EPSTI1: variants seen among roughly 807,000 people sequenced by gnomAD.
EPSTI1 encodes epithelial-stromal interaction protein 1.
EPSTI1 carries 66 observed loss-of-function variants against 49.9 expected under a neutral mutation model. That is an observed-to-expected ratio of 1.32 (90% CI 1.08 to 1.62). The LOEUF is 1.62. Among genes scored for constraint, EPSTI1 ranks in the 40% most tolerant of loss-of-function variants. The probability of loss-of-function intolerance (pLI) is 0.00; values close to 1 mark genes in which losing one functional copy is unlikely to be tolerated. For synonymous variants in EPSTI1, 137 were observed against 130.7 expected (o/e 1.05, Z -0.33); for missense variants, 394 against 365.5 (o/e 1.08, Z -0.64).
intron 5 of EPSTI1, among the ~76,000 whole-genome samples, chr13:42,958,789 A>G (rs988066779): frequency 7.2e-4 from 50 of 69,092 alleles, no homozygotes; most frequent in Admixed American, 4.6e-3. Flanking sequence ...GTTACAATGC[A>G]AAGAAAAAAA....
intron 4 of EPSTI1, 98 bp from the exon 5 acceptor site, chr13:42,963,436 G>C: frequency 1.1e-6 from 1 of 903,526 alleles, no homozygotes. Context: ...TTACAGTATT[G>C]TTTGTGCTAT....
intron 6 of EPSTI1, among the ~76,000 whole-genome samples, chr13:42,928,991 C>T (rs970801646): frequency 6.6e-6 from 1 of 152,152 alleles, no homozygotes; most frequent in African/African-American, 2.4e-5. Context: ...TTCCTAAATA[C>T]CTGAGTGGAG....
chr13:42,945,414 C>T (rs776919215), intron 6 of EPSTI1, among the ~76,000 whole-genome samples: 1 of 152,164 alleles, frequency 6.6e-6, no homozygotes. Context: ...GATGGGGACA[C>T]AGCCAAACCA....
At position 42,991,847 on chromosome 13, in the gene EPSTI1, G is replaced by A. The variant is rs1179810943; in HGVS notation, c.188+131C>T. Reference sequence around the variant, plus strand: ...CATGGATACTTTCATTTAAGCAAATGAGCTTTCATTCAGTCAAAATCCCTG... The same window carrying A: ...CATGGATACTTTCATTTAAGCAAATAAGCTTTCATTCAGTCAAAATCCCTG... On this transcript the variant is annotated intron_variant, in intron 1 of 10. Coordinates refer to ENST00000313624, the MANE Select transcript of EPSTI1 (RefSeq NM_033255.5). 2.7e-5 allele frequency: 27 copies of A among 1,014,864 alleles called. No individual in the cohort carries two copies. The East Asian group carries it at 5.6e-4, about 21-fold the overall frequency. 62.9% of individuals were successfully genotyped at this position (1,014,864 alleles called of 1,614,324 possible).
intron 1 of EPSTI1, among the ~76,000 whole-genome samples, chr13:42,981,968 T>C (rs2039994380): frequency 6.6e-6 from 1 of 152,080 alleles, no homozygotes; most frequent in Admixed American, 6.5e-5. Context: ...TAAGTTACTA[T>C]GTTGTTGAGG....
chr13:42,949,269 G>A (rs539216250), intron 6 of EPSTI1, among the ~76,000 whole-genome samples: 7 of 152,298 alleles, frequency 4.6e-5, no homozygotes, highest in African/African-American at 1.7e-4. Context: ...AGAGATAAGT[G>A]AGAATCTGTT....
rs544322329 is a variant in EPSTI1 at position 42,919,940 on chromosome 13, G to A, written c.658-2316C>T. On this transcript the variant is annotated intron_variant, in intron 7 of 10. Transcript: ENST00000313624. Reference sequence around the variant, plus strand: ...CAAAATCAAGGTGTCTTCAGGGTTGGTTCCTTCTGAGGGCTATGTGAGAAA... The same window carrying A: ...CAAAATCAAGGTGTCTTCAGGGTTGATTCCTTCTGAGGGCTATGTGAGAAA... Among the ~76,000 whole-genome samples, 14 of 152,270 alleles carry A rather than the reference G, an allele frequency of 9.2e-5. No individual in the cohort carries two copies. The South Asian group carries it at 2.7e-3, about 29-fold the overall frequency.
intron 7 of EPSTI1, among the ~76,000 whole-genome samples, chr13:42,921,289 G>A (rs2037984771): frequency 6.6e-6 from 1 of 152,122 alleles, no homozygotes; most frequent in African/African-American, 2.4e-5. Context: ...AAATTCAAAT[G>A]GCCTTGGATT....
At chr13:42,938,511 T>C (rs566064116) in intron 6 of EPSTI1, among the ~76,000 whole-genome samples, 1 of 152,260 alleles carries the variant, frequency 6.6e-6, no homozygotes, top group South Asian at 2.1e-4. Context: ...CATTAGCCCC[T>C]AACAAAAGTT....
chr13:42,911,264 T>TGTGC (rs549150890), intron 8 of EPSTI1, among the ~76,000 whole-genome samples: 3,026 of 148,516 alleles, frequency 0.02, 54 homozygotes, highest in South Asian at 0.074. Flanking sequence ...TGTGTGTGTG[T>TGTGC]GCGCGCGCAC....
chr13:42,987,578 A>AT (rs5803161), intron 1 of EPSTI1, among the ~76,000 whole-genome samples: 42,722 of 149,952 alleles, frequency 0.28, 7,689 homozygotes, highest in Non-Finnish European at 0.41. Context: ...TTTTTTTGCG[A>AT]TTTTTTTTTT....
chr13:42,903,558 A>AG (rs2037420098), intron 8 of EPSTI1, among the ~76,000 whole-genome samples: 1 of 152,190 alleles, frequency 6.6e-6, no homozygotes, highest in African/African-American at 2.4e-5. Flanking sequence ...TGAGCTTAAA[A>AG]GTTGAAGAAA....
chr13:42,969,072 G>C (rs373989158), intron 3 of EPSTI1, 22 bp downstream of exon 3: 7 of 1,613,336 alleles, frequency 4.3e-6, no homozygotes, highest in South Asian at 1.1e-5. Context: ...CCCTCATTCC[G>C]GCAGCGGCTG....
intron 1 of EPSTI1, among the ~76,000 whole-genome samples, chr13:42,971,273 T>C (rs2039760624): frequency 1.3e-5 from 2 of 152,242 alleles, no homozygotes; most frequent in Non-Finnish European, 2.9e-5. Context: ...TATTCACCTC[T>C]GTGACACTAG....
At chr13:42,970,537 A>T in intron 2 of EPSTI1, 75 bp downstream of exon 2, 1 of 1,358,878 alleles carries the variant, frequency 7.4e-7, no homozygotes, top group Non-Finnish European at 1.0e-6. Flanking sequence ...AGAAAATAAA[A>T]ATACTTCACA....
At chr13:42,918,837 GA>G (rs1323459362) in intron 7 of EPSTI1, among the ~76,000 whole-genome samples, 2 of 152,064 alleles carry the variant, frequency 1.3e-5, no homozygotes, top group Admixed American at 1.3e-4. Flanking sequence ...GTGATTCTCT[GA>G]CAAGCCTTTC....
At chr13:42,890,388 C>T (rs1164561938) in intron 10 of EPSTI1, among the ~76,000 whole-genome samples, 1 of 151,382 alleles carries the variant, frequency 6.6e-6, no homozygotes, top group African/African-American at 2.4e-5. Context: ...AGCTCCGCCT[C>T]CCAGGTTCAC....
At chr13:42,941,671 T>C (rs2038756086) in intron 6 of EPSTI1, among the ~76,000 whole-genome samples, 1 of 150,682 alleles carries the variant, frequency 6.6e-6, no homozygotes, top group African/African-American at 2.4e-5. Context: ...TAATTTCATA[T>C]TGCTTAATTT....
chr13:42,989,377 C>G (rs1243168053), intron 1 of EPSTI1, among the ~76,000 whole-genome samples: 1 of 152,080 alleles, frequency 6.6e-6, no homozygotes, highest in African/African-American at 2.4e-5. Context: ...CAAGTGATGG[C>G]ATAATCAGAA....
Sources: gnomAD v4.1 joint callset for allele counts (sites outside exome capture counted in the v4.1 genomes callset) on GRCh38, gnomAD v4.1.1 for gene constraint, MANE v1.5 for transcripts, NCBI Gene and HGNC (gene_info 2026-07-23, HGNC 2026-07-21) for gene names.